The following CCSAP variants were observed in gnomAD, a reference collection of about 807,000 sequenced individuals.
CCSAP encodes centriole, cilia and spindle associated protein, also known as centriole, cilia and spindle-associated protein.
In CCSAP, 17 loss-of-function variants were observed where a neutral mutation model predicts 25.9. The observed-to-expected ratio is 0.66, with a 90% confidence interval of 0.45 to 0.99. The LOEUF is 0.99. CCSAP is among the 50% of genes least tolerant of loss of function. The pLI is 0.00. For synonymous variants in CCSAP, 169 were observed against 157.1 expected, an observed-to-expected ratio of 1.08 and a Z score of -0.57; for missense variants, 339 against 367.8, an observed-to-expected ratio of 0.92 and a Z score of 0.64.
intron 2 of CCSAP, among the ~76,000 whole-genome samples, chr1:229,334,564 A>G (rs924806753): frequency 6.6e-6 from 1 of 152,154 alleles, no homozygotes; most frequent in Admixed American, 6.5e-5. Context: ...AGCAAAATAA[A>G]CCCAAAGAAA....
At chr1:229,326,597 C>A in intron 3 of CCSAP, 141 bp downstream of exon 3, 2 of 995,900 alleles carry the variant, frequency 2.0e-6, no homozygotes, top group African/African-American at 1.6e-5. Flanking sequence ...CTGGAGTTCC[C>A]CAACCCACCA....
chr1:229,342,243 G>A lies in CCSAP; in HGVS notation c.223C>T (p.Arg75Trp). 1 of 1,269,084 alleles carries A rather than the reference G, an allele frequency of 7.9e-7. No homozygotes were observed. Among genetic ancestry groups the A allele is most frequent in the Non-Finnish European group, 9.9e-7 (1 of 1,010,724 alleles). The allele number at this position is 1,269,084 out of a possible 1,614,324, so 78.6% of individuals were successfully genotyped here. ...GGCGGGGGCGAGGGCGGGGCGCACC[G>A]GGGTGCGGGGCCCCCGGCGCCCGAC... is the stretch of plus-strand genomic sequence containing the variant. ...ESSGAGGPAPRCAPPSPPPPV... is the reference protein window; with the variant it reads ...ESSGAGGPAPWCAPPSPPPPV... The change falls in exon 2 of 4, where the codon CGG becomes TGG. Residue 75 changes from arginine (R) to tryptophan (W), a missense_variant. Coordinates refer to ENST00000284617, the MANE Select transcript of CCSAP (RefSeq NM_145257.5). This position sits in a 1 kb window ranked among gnomAD's most constrained non-coding sequence, Gnocchi z 7.5.
rs1196456386 is a variant in CCSAP at position 229,323,695 on chromosome 1, T to C, written c.*1540A>G. ...CAAATTCACCTCAAAACTATGCAAA[T>C]ATTTAAAAAGTTTTTTTAAGCTCAC... is the stretch of plus-strand genomic sequence containing the variant. On this transcript the variant is annotated 3_prime_UTR_variant, in exon 4 of 4. Coordinates refer to ENST00000284617, the MANE Select transcript of CCSAP (RefSeq NM_145257.5). 3 of 152,176 alleles carry C rather than the reference T, an allele frequency of 2.0e-5. No homozygotes were observed. Among genetic ancestry groups the C allele is most frequent in the African/African-American group, 7.2e-5 (3 of 41,440 alleles). The allele number at this position is 152,176 out of a possible 1,614,324, so 9.4% of individuals were successfully genotyped here. A position where few individuals can be genotyped will look rare whatever the true frequency, so the allele number is the denominator to read the frequency against.
At chr1:229,341,864 C>T (rs1223465453) in intron 2 of CCSAP, among the ~76,000 whole-genome samples, 2 of 151,864 alleles carry the variant, frequency 1.3e-5, no homozygotes, top group African/African-American at 4.8e-5. Context: ...CAGCCAGCGG[C>T]GCTTCAATTG....
intron 2 of CCSAP, among the ~76,000 whole-genome samples, chr1:229,335,325 AAG>A (rs1157010953): frequency 6.6e-6 from 1 of 152,052 alleles, no homozygotes; most frequent in Non-Finnish European, 1.5e-5. Flanking sequence ...TCTCAAAAGA[AAG>A]AAAAAAAAAA....
chr1:229,336,518 C>A (rs1218738444), intron 2 of CCSAP, among the ~76,000 whole-genome samples: 4 of 152,170 alleles, frequency 2.6e-5, no homozygotes, highest in Non-Finnish European at 5.9e-5. Flanking sequence ...ACTGTCTGGG[C>A]AGCTCACTCA....
intron 2 of CCSAP, among the ~76,000 whole-genome samples, chr1:229,330,833 TAAAAAA>T (rs1553304645): frequency 8.5e-6 from 1 of 118,216 alleles, no homozygotes; most frequent in African/African-American, 3.0e-5. Flanking sequence ...CAACTCCATC[TAAAAAA>T]AAAAAAAAAA....
At chr1:229,338,098 A>G (rs1658245162) in intron 2 of CCSAP, among the ~76,000 whole-genome samples, 1 of 152,192 alleles carries the variant, frequency 6.6e-6, no homozygotes, top group African/African-American at 2.4e-5. Context: ...GCAATCATAT[A>G]GTTAATATTG....
chr1:229,342,288 C>A lies in CCSAP; in HGVS notation c.178G>T (p.Asp60Tyr). ...DDWGPAGSSEDSASSESSGAG... is the reference protein window; with the variant it reads ...DDWGPAGSSEYSASSESSGAG... ...CCCGACGACTCTGACGACGCCGAGT[C>A]CTCCGAGGAGCCGGCCGGGCCCCAG... Residue 60 changes from aspartate to tyrosine, a missense_variant, in exon 2 of 4, where the codon GAC becomes TAC. Transcript: ENST00000284617. This position sits in a 1 kb window ranked among gnomAD's most constrained non-coding sequence, Gnocchi z 7.5. The A allele has an allele frequency of 5.0e-6, 7 of 1,396,644 alleles. No individual in the cohort carries two copies. The highest frequency in any genetic ancestry group is 6.5e-6 in the Non-Finnish European group (7 of 1,074,482). 86.5% of individuals were successfully genotyped at this position (1,396,644 alleles called of 1,614,324 possible).
chr1:229,342,346 C>T lies in CCSAP; in HGVS notation c.120G>A (p.Leu40=), dbSNP rs757584591. 2.7e-6 allele frequency: 4 copies of T among 1,506,252 alleles called. No homozygotes were observed. The highest frequency in any genetic ancestry group is 1.9e-4 in the Middle Eastern group (1 of 5,344). 93.3% of individuals were successfully genotyped at this position (1,506,252 alleles called of 1,614,324 possible). A position where few individuals can be genotyped will look rare whatever the true frequency, so the allele number is the denominator to read the frequency against. The change falls in exon 2 of 4, where the codon CTG becomes CTA. Residue 40 remains leucine (L), a synonymous_variant. Coordinates refer to ENST00000284617, the MANE Select transcript of CCSAP (RefSeq NM_145257.5). This position sits in a 1 kb window ranked among gnomAD's most constrained non-coding sequence, Gnocchi z 7.5. The part of the protein sequence containing the change: ...LLHYRLGRRL[L]EQAHAPWLWD... ...AGAGCCAGGGCGCGTGCGCCTGCTC[C>T]AGCAGCCGGCGGCCTAGGCGGTAGT...
In CCSAP at chr1:229,342,253, G is replaced by A; in HGVS notation, c.213C>T (p.Gly71=). The A allele has an allele frequency of 1.6e-6, 2 of 1,279,036 alleles. No individual in the cohort carries two copies. The highest frequency in any genetic ancestry group is 2.0e-6 in the Non-Finnish European group (2 of 1,015,672). 79.2% of individuals were successfully genotyped at this position (1,279,036 alleles called of 1,614,324 possible). A position where few individuals can be genotyped will look rare whatever the true frequency, so the allele number is the denominator to read the frequency against. ...AGGGCGGGGCGCACCGGGGTGCGGG[G>A]CCCCCGGCGCCCGACGACTCTGACG... ...SASSESSGAG[G]PAPRCAPPSP... is the part of the protein sequence containing the mutation. Residue 71 remains glycine, a synonymous_variant, in exon 2 of 4, where the codon GGC becomes GGT. Transcript: ENST00000284617. This position sits in a 1 kb window ranked among gnomAD's most constrained non-coding sequence, Gnocchi z 7.5.
chr1:229,332,001 C>T (rs1172886576), intron 2 of CCSAP, among the ~76,000 whole-genome samples: 4 of 151,910 alleles, frequency 2.6e-5, no homozygotes, highest in Non-Finnish European at 5.9e-5. Context: ...GGCCACAACA[C>T]CCGGCTAATT....
At chr1:229,331,253 C>T (rs985491620) in intron 2 of CCSAP, among the ~76,000 whole-genome samples, 4 of 151,540 alleles carry the variant, frequency 2.6e-5, no homozygotes, top group African/African-American at 4.9e-5. Flanking sequence ...CAAGGGGGAC[C>T]GGGAGAAGCA....
rs1658354167 is a variant in CCSAP at position 229,342,261 on chromosome 1, C to A, written c.205G>T (p.Ala69Ser). Residue 69 changes from alanine to serine, a missense_variant, in exon 2 of 4, where the codon GCC becomes TCC. Ala to Ser is a moderately conservative substitution (Grantham distance 99). Coordinates refer to ENST00000284617, the MANE Select transcript of CCSAP (RefSeq NM_145257.5). This position sits in a 1 kb window ranked among gnomAD's most constrained non-coding sequence, Gnocchi z 7.5. ...GCGCACCGGGGTGCGGGGCCCCCGG[C>A]GCCCGACGACTCTGACGACGCCGAG... Reference protein sequence around the residue: ...EDSASSESSGAGGPAPRCAPP... With the variant: ...EDSASSESSGSGGPAPRCAPP... 7.8e-7 allele frequency: 1 copy of A among 1,288,910 alleles called. No individual in the cohort carries two copies. The highest frequency in any genetic ancestry group is 9.8e-7 in the Non-Finnish European group (1 of 1,021,146). The allele number at this position is 1,288,910 out of a possible 1,614,324, so 79.8% of individuals were successfully genotyped here. A position where few individuals can be genotyped will look rare whatever the true frequency, so the allele number is the denominator to read the frequency against.
In CCSAP at chr1:229,342,140, C is replaced by T. The variant is rs1658349823; in HGVS notation, c.326G>A (p.Gly109Glu). 4 of 1,331,760 alleles carry T rather than the reference C, an allele frequency of 3.0e-6. No individual in the cohort carries two copies. The highest frequency in any genetic ancestry group is 4.2e-5 in the South Asian group (2 of 47,344). The allele number at this position is 1,331,760 out of a possible 1,614,324, so 82.5% of individuals were successfully genotyped here. A position where few individuals can be genotyped will look rare whatever the true frequency, so the allele number is the denominator to read the frequency against. Residue 109 changes from glycine (G) to glutamate (E), a missense_variant, in exon 2 of 4, where the codon GGG becomes GAG. Gly to Glu is a moderately conservative substitution (Grantham distance 98). Coordinates refer to ENST00000284617, the MANE Select transcript of CCSAP (RefSeq NM_145257.5). This position sits in a 1 kb window ranked among gnomAD's most constrained non-coding sequence, Gnocchi z 7.5. ...GAPEEQDAEA[G>E]DAEAEDAEDA... Reference sequence around the variant, plus strand: ...CTCCGCGTCCTCGGCCTCCGCGTCCCCGGCCTCCGCGTCCTGCTCCTCCGG... The same window carrying T: ...CTCCGCGTCCTCGGCCTCCGCGTCCTCGGCCTCCGCGTCCTGCTCCTCCGG...
chr1:229,331,986 G>T (rs1658080027), intron 2 of CCSAP, among the ~76,000 whole-genome samples: 1 of 151,902 alleles, frequency 6.6e-6, no homozygotes, highest in Admixed American at 6.6e-5. Context: ...GGGATTACAG[G>T]CGTGGGCCAC....
intron 2 of CCSAP, among the ~76,000 whole-genome samples, chr1:229,339,071 G>GGACTTCAGAA (rs1447712687): frequency 4.1e-5 from 6 of 144,938 alleles, no homozygotes; most frequent in Non-Finnish European, 9.0e-5. Flanking sequence ...ATCCAACTAA[G>GGACTTCAGAA]GACTTCAGAA....
intron 2 of CCSAP, chr1:229,340,451 T>C (rs1217004851): frequency 2.8e-6 from 2 of 716,166 alleles, no homozygotes; most frequent in South Asian, 3.0e-5. Context: ...GCCTAAAAAT[T>C]GTATTTATAT....
At chr1:229,334,696 G>C (rs1301946730) in intron 2 of CCSAP, among the ~76,000 whole-genome samples, 1 of 152,088 alleles carries the variant, frequency 6.6e-6, no homozygotes, top group East Asian at 1.9e-4. Context: ...TCAAGAAACA[G>C]AGAAGAAAGT....
Sources: allele counts gnomAD v4.1 joint callset (sites outside exome capture counted in the v4.1 genomes callset), GRCh38; gene constraint gnomAD v4.1.1; non-coding constraint Gnocchi (gnomAD v3.1); transcripts MANE v1.5; gene names NCBI Gene and HGNC (gene_info 2026-07-23, HGNC 2026-07-21).